The following MYO18B variants were observed in gnomAD, a reference collection of about 807,000 sequenced individuals.
The protein encoded by MYO18B is unconventional myosin-XVIIIb.
In MYO18B, 204 loss-of-function variants were observed where a neutral mutation model predicts 273.0. That is an observed-to-expected ratio of 0.75 (90% confidence interval 0.67 to 0.84). The LOEUF is 0.84. MYO18B is among the 40% of genes least tolerant of loss of function. The probability of loss-of-function intolerance (pLI) is 0.00; values close to 1 mark genes in which losing one functional copy is unlikely to be tolerated. For synonymous variants in MYO18B, 1,330 were observed against 1,305.7 expected, an observed-to-expected ratio of 1.02 and a Z score of -0.40; for missense variants, 3,212 against 3,287.6, an observed-to-expected ratio of 0.98 and a Z score of 0.56.
At chr22:26,011,831 T>C (rs959175985) in intron 42 of MYO18B, among the ~76,000 whole-genome samples, 2 of 152,242 alleles carry the variant, frequency 1.3e-5, no homozygotes, top group Non-Finnish European at 2.9e-5. Context: ...ATCATCGTGA[T>C]TTTAATTACT....
intron 24 of MYO18B, chr22:25,877,363 A>C (rs1450346744): frequency 6.6e-6 from 1 of 152,254 alleles, no homozygotes; most frequent in Non-Finnish European, 1.5e-5. Flanking sequence ...TATGGGGTAT[A>C]ATGTGATGTT....
chr22:25,846,064 C>T (rs1192785262), intron 18 of MYO18B, 36 bp from the exon 19 acceptor site: 2 of 1,475,630 alleles, frequency 1.4e-6, no homozygotes. Context: ...CAAGAACCTC[C>T]TAAAGCTCCT....
At chr22:25,890,608 G>A in intron 25 of MYO18B, 148 bp from the exon 26 acceptor site, 1 of 1,169,184 alleles carries the variant, frequency 8.6e-7, no homozygotes, top group South Asian at 1.6e-5. Context: ...ATAAAATTCT[G>A]AAGTCCATCC....
At chr22:25,987,466 GAT>G (rs1228029737) in intron 39 of MYO18B, among the ~76,000 whole-genome samples, 3 of 151,870 alleles carry the variant, frequency 2.0e-5, no homozygotes, top group East Asian at 1.9e-4. Context: ...CTGTATACAC[GAT>G]ATATATATCC....
At chr22:25,764,580 G>A (rs1188633211) in intron 3 of MYO18B, among the ~76,000 whole-genome samples, 1 of 152,160 alleles carries the variant, frequency 6.6e-6, no homozygotes, top group African/African-American at 2.4e-5. Context: ...TCTGATGAAC[G>A]ACTTTGATGC....
intron 12 of MYO18B, among the ~76,000 whole-genome samples, chr22:25,809,666 CAG>C (rs2088646541): frequency 6.6e-6 from 1 of 152,086 alleles, no homozygotes; most frequent in Admixed American, 6.6e-5. Context: ...GGCTGTAACT[CAG>C]GGAGCCAGGA....
chr22:26,004,690 C>T (rs1221223421), intron 41 of MYO18B, 28 bp from the exon 42 acceptor site: 9 of 1,611,884 alleles, frequency 5.6e-6, no homozygotes, highest in South Asian at 1.1e-5. Flanking sequence ...TGTCATTGTG[C>T]TGATGGTGTC....
intron 13 of MYO18B, among the ~76,000 whole-genome samples, chr22:25,824,900 T>A (rs955230032): frequency 6.8e-6 from 1 of 147,858 alleles, no homozygotes; most frequent in Non-Finnish European, 1.5e-5. Flanking sequence ...TATGCACACA[T>A]GTGCACAGAT....
At chr22:25,804,719 C>G (rs930256560) in intron 12 of MYO18B, among the ~76,000 whole-genome samples, 1 of 152,224 alleles carries the variant, frequency 6.6e-6, no homozygotes, top group Non-Finnish European at 1.5e-5. Flanking sequence ...TTGTCCAGGG[C>G]AACTGTACTT....
chr22:25,771,147 G>A lies in MYO18B; in HGVS notation c.1692+163G>A, dbSNP rs713822. Among the ~76,000 whole-genome samples the A allele has an allele frequency of 0.49, 74,291 of 152,080 alleles. 19,193 individuals are homozygous for A. Among genetic ancestry groups the A allele is most frequent in the East Asian group, 0.77 (3,953 of 5,162 alleles). ...GGGAGTTATAGTGAAGAACCCCACT[G>A]AACTCATTGCTCTACTGGAGGGGTA... is the stretch of plus-strand genomic sequence containing the variant. On this transcript the variant is annotated intron_variant, in intron 6 of 43. Coordinates refer to ENST00000335473, the MANE Select transcript of MYO18B (RefSeq NM_032608.7).
intron 42 of MYO18B, among the ~76,000 whole-genome samples, chr22:26,015,958 C>T (rs1026225587): frequency 2.6e-5 from 4 of 152,180 alleles, no homozygotes; most frequent in Non-Finnish European, 4.4e-5. Context: ...GTCTTCATGA[C>T]ACTCAATAAA....
chr22:25,750,340 G>A (rs1184851622), intron 1 of MYO18B, among the ~76,000 whole-genome samples: 1 of 152,192 alleles, frequency 6.6e-6, no homozygotes, highest in Non-Finnish European at 1.5e-5. Flanking sequence ...AACCCACCTG[G>A]AAGATGGAAA....
chr22:25,770,652 G>A (rs910655113), intron 5 of MYO18B, among the ~76,000 whole-genome samples: 1 of 152,188 alleles, frequency 6.6e-6, no homozygotes, highest in African/African-American at 2.4e-5. Flanking sequence ...GTGACAGCTG[G>A]TAAAAGCCTA....
chr22:25,921,701 GTT>G (rs1491268656), intron 34 of MYO18B, among the ~76,000 whole-genome samples: 42 of 117,472 alleles, frequency 3.6e-4, no homozygotes, highest in African/African-American at 1.6e-3. Context: ...CAGTGTGCCT[GTT>G]GTGTGTGTGT....
Position 25,895,284 on chromosome 22 carries a change from A to G in MYO18B, c.4668+4A>G. On this transcript the variant is annotated splice_donor_region_variant and intron_variant, in intron 28 of 43. Coordinates refer to ENST00000335473, the MANE Select transcript of MYO18B (RefSeq NM_032608.7). ...CAGGAAAGAGCTGGAGCAAAAGGTA[A>G]GATGTGGGGATAGTCTGGGCCACAG... 1.3e-6 allele frequency: 2 copies of G among 1,592,914 alleles called. No individual in the cohort carries two copies. The highest frequency in any genetic ancestry group is 1.7e-6 in the Non-Finnish European group (2 of 1,169,766).
chr22:25,826,398 C>T lies in MYO18B; in HGVS notation c.2696-11C>T, dbSNP rs1601814246. The T allele has an allele frequency of 6.2e-7, 1 of 1,606,838 alleles. No individual in the cohort carries two copies. The highest frequency in any genetic ancestry group is 1.1e-5 in the South Asian group (1 of 89,992). On this transcript the variant is annotated splice_polypyrimidine_tract_variant and intron_variant, in intron 13 of 43. Coordinates refer to ENST00000335473, the MANE Select transcript of MYO18B (RefSeq NM_032608.7). ...CCTAACCAAGAATGCTGATTCTGTCCTCTTTCCCAGGGCTCAAGATGACAG... is the reference window on the plus strand; with the variant it reads ...CCTAACCAAGAATGCTGATTCTGTCTTCTTTCCCAGGGCTCAAGATGACAG...
Position 26,027,271 on chromosome 22 carries a change from T to C in MYO18B, c.7297T>C (p.Tyr2433His), listed in dbSNP as rs1311894952. 1 of 1,613,836 alleles carries C rather than the reference T, an allele frequency of 6.2e-7. No homozygotes were observed. Among genetic ancestry groups the C allele is most frequent in the East Asian group, 2.2e-5 (1 of 44,872 alleles). ...PFSWKLPSLD[Y>H]ERKTKVDFDD... is the part of the protein sequence containing the mutation. ...CAGCTGGAAACTCCCAAGCCTCGAC[T>C]ACGAACGCAAGACCAAAGTGGACTT... The change falls in exon 43 of 44, where the codon TAC becomes CAC. Residue 2433 changes from tyrosine (Y) to histidine (H), a missense_variant. Coordinates refer to ENST00000335473, the MANE Select transcript of MYO18B (RefSeq NM_032608.7). This position sits in a 1 kb window ranked among gnomAD's most constrained non-coding sequence, Gnocchi z 4.1.
intron 25 of MYO18B, among the ~76,000 whole-genome samples, chr22:25,881,017 G>A (rs2091318185): frequency 6.6e-6 from 1 of 152,212 alleles, no homozygotes; most frequent in Admixed American, 6.5e-5. Context: ...GTTATTACTT[G>A]CTTATAATGT....
rs137859315 is a variant in MYO18B, at chr22:25,868,311, T to C, written c.3886-9T>C. 2.1e-4 allele frequency: 338 copies of C among 1,595,620 alleles called. 2 individuals are homozygous for C. The East Asian group carries it at 7.0e-3, about 33-fold the overall frequency. On this transcript the variant is annotated splice_polypyrimidine_tract_variant and intron_variant, in intron 21 of 43. Transcript: ENST00000335473. ...ATGCTGTCTAACTTCTCTCTAATTT[T>C]TTCCCCAGGCCGTGGAGGAGCTCCT...
Sources: allele counts gnomAD v4.1 joint callset (sites outside exome capture counted in the v4.1 genomes callset), GRCh38; gene constraint gnomAD v4.1.1; non-coding constraint Gnocchi (gnomAD v3.1); transcripts MANE v1.5; gene names NCBI Gene and HGNC (gene_info 2026-07-23, HGNC 2026-07-21).